Variants in ADCK5 observed in about 807,000 individuals in gnomAD.
The protein encoded by ADCK5 is aarF domain containing kinase 5.
A neutral mutation model predicts 64.9 loss-of-function variants in ADCK5; 43 were observed. That is an observed-to-expected ratio of 0.66 (90% CI 0.52 to 0.85). ADCK5 has a LOEUF of 0.85. Ranked by LOEUF, ADCK5 falls within the 40% of genes least tolerant of loss-of-function variation. The probability of loss-of-function intolerance (pLI) is 0.00; values close to 1 mark genes in which losing one functional copy is unlikely to be tolerated. For missense variants in ADCK5, 760 were observed against 810.5 expected (o/e 0.94, Z 0.76); for synonymous variants, 434 against 342.8 (o/e 1.27, Z -2.94).
rs1435774355 is a variant in ADCK5, at chr8:144,374,064, C to G, written c.-32C>G. ...TGGGCTGCGAGACGCTAAGCGGCGC[C>G]GGGCGGGAGAAGAGCGGAGCAGTGG... On this transcript the variant is annotated 5_prime_UTR_variant, in exon 1 of 15. Transcript: ENST00000308860. 1 of 1,246,100 alleles carries G rather than the reference C, an allele frequency of 8.0e-7. No homozygotes were observed. The highest frequency in any genetic ancestry group is 1.0e-6 in the Non-Finnish European group (1 of 988,410). 77.2% of individuals were successfully genotyped at this position (1,246,100 alleles called of 1,614,324 possible).
chr8:144,374,656 T>C (rs2130677216), intron 1 of ADCK5, among the ~76,000 whole-genome samples: 1 of 152,180 alleles, frequency 6.6e-6, no homozygotes, highest in East Asian at 1.9e-4. Context: ...CACGGACGCC[T>C]CCCTGCCCAG....
chr8:144,382,639 G>A (rs1380948913), intron 2 of ADCK5, among the ~76,000 whole-genome samples: 2 of 152,180 alleles, frequency 1.3e-5, no homozygotes, highest in East Asian at 1.9e-4. Context: ...ACTGTCATGC[G>A]ACTCAGCACG....
intron 3 of ADCK5, among the ~76,000 whole-genome samples, chr8:144,388,173 C>G (rs1464672928): frequency 6.6e-6 from 1 of 150,982 alleles, no homozygotes; most frequent in Admixed American, 6.6e-5. Context: ...GCCTGACCAA[C>G]GTGGAGAAAC....
Position 144,392,815 on chromosome 8 carries a change from TC to T in ADCK5, c.1561del (p.Arg521GlyfsTer34). The T allele has an allele frequency of 6.3e-7, 1 of 1,593,306 alleles. No individual in the cohort carries two copies. The highest frequency in any genetic ancestry group is 8.5e-7 in the Non-Finnish European group (1 of 1,174,612). ...GWSRLAGATY[R>X]GVYGTSLLRH... ...GGAGCCGCCTGGCGGGCGCCACGTA[TC>T]GGGGTGTCTACGGCACCAGCCTCCT... is the stretch of plus-strand genomic sequence containing the variant. On this transcript the variant is annotated frameshift_variant, in exon 14 of 15. Coordinates refer to ENST00000308860, the MANE Select transcript of ADCK5 (RefSeq NM_174922.5). LOFTEE classifies it high-confidence loss of function.
chr8:144,381,428 G>A (rs1332492181), intron 2 of ADCK5, among the ~76,000 whole-genome samples: 1 of 129,942 alleles, frequency 7.7e-6, no homozygotes, highest in Non-Finnish European at 1.6e-5. Flanking sequence ...TGGGCCAGGT[G>A]TAGAAACAGA....
chr8:144,385,913 A>C (rs1400519272), intron 3 of ADCK5, among the ~76,000 whole-genome samples: 1 of 151,292 alleles, frequency 6.6e-6, no homozygotes, highest in East Asian at 2.0e-4. Context: ...GCAGTGAGCC[A>C]AGATCACGCC....
rs781862475 is a variant in ADCK5 at position 144,391,172 on chromosome 8, C to A, written c.582C>A (p.Pro194=). 3.7e-6 allele frequency: 6 copies of A among 1,611,968 alleles called. No individual in the cohort carries two copies. The highest frequency in any genetic ancestry group is 1.1e-5 in the South Asian group (1 of 91,096). Residue 194 remains proline (P), a synonymous_variant, in exon 6 of 15, where the codon CCC becomes CCA. Transcript: ENST00000308860. The part of the protein sequence containing the change: ...ELFLEDFQAL[P]HELFQEFDYQ... ...TCCTTGAGGACTTCCAGGCCCTCCCCCACGAGCTCTTCCAGGAGTTTGACT... is the reference window on the plus strand; with the variant it reads ...TCCTTGAGGACTTCCAGGCCCTCCCACACGAGCTCTTCCAGGAGTTTGACT...
At position 144,388,318 on chromosome 8, in the gene ADCK5, C is replaced by T. The variant is rs193169982; in HGVS notation, c.267-2353C>T. The stretch of plus-strand genomic sequence containing the variant: ...GTTGCAGTGAGCCTAGACTGTGCCA[C>T]TGCACTCCAGTCTGGGCGACAGAGC... On this transcript the variant is annotated intron_variant, in intron 3 of 14. Coordinates refer to ENST00000308860, the MANE Select transcript of ADCK5 (RefSeq NM_174922.5). Among the ~76,000 whole-genome samples the T allele has an allele frequency of 9.7e-3, 1,428 of 147,184 alleles. 29 individuals are homozygous for T. The highest frequency in any genetic ancestry group is 0.034 in the African/African-American group (1,340 of 39,884).
At position 144,391,042 on chromosome 8, in the gene ADCK5, C is replaced by T. The variant is rs142025248; in HGVS notation, c.529C>T (p.Arg177Trp). ...CGTGCTAGAGGACAGGGCCCTCAAG[C>T]GGGGCTTCCAGGAGGTGAGTGTGCG... ...LRVLEDRALK[R>W]GFQEVDELFL... is the part of the protein sequence containing the mutation. The change falls in exon 5 of 15, where the codon CGG (arginine) becomes TGG (tryptophan). Residue 177 changes from arginine (R) to tryptophan (W), a missense_variant. This residue lies in a region of ADCK5 where 427 missense variants were observed against 518.4 expected (regional missense o/e 0.82). Transcript: ENST00000308860. 1,601 of 1,612,482 alleles carry T rather than the reference C, an allele frequency of 9.9e-4. 13 individuals are homozygous for T. The African/African-American group carries it at 0.02, about 20-fold the overall frequency.
intron 8 of ADCK5, 33 bp downstream of exon 8, chr8:144,391,744 G>A (rs1554860729): frequency 3.2e-6 from 5 of 1,538,526 alleles, no homozygotes; most frequent in African/African-American, 1.4e-5. Flanking sequence ...GGTGGGCACA[G>A]CGCTGGGCCT....
At chr8:144,381,326 A>T (rs1392137342) in intron 2 of ADCK5, among the ~76,000 whole-genome samples, 1 of 145,440 alleles carries the variant, frequency 6.9e-6, no homozygotes, top group African/African-American at 2.6e-5. Flanking sequence ...GGGTGTAGAA[A>T]CAGATGTGTG....
In ADCK5 at chr8:144,391,683, C is replaced by T. The variant is rs980714753; in HGVS notation, c.902C>T (p.Pro301Leu). 1 of 1,541,134 alleles carries T rather than the reference C, an allele frequency of 6.5e-7. No homozygotes were observed. Among genetic ancestry groups the T allele is most frequent in the Non-Finnish European group, 8.7e-7 (1 of 1,147,514 alleles). The change falls in exon 8 of 15, where the codon CCC (proline) becomes CTC (leucine). Residue 301 changes from proline to leucine, a missense_variant. Physicochemically the swap from Pro to Leu is moderately conservative, Grantham distance 98. Around this residue, in one of 2 missense-constraint regions of ADCK5, gnomAD observed 427 missense variants for 518.4 expected, o/e 0.82. Coordinates refer to ENST00000308860, the MANE Select transcript of ADCK5 (RefSeq NM_174922.5). ...GCGCACTTCCCCTACGTCGTGGTGC[C>T]CCGCGTGCACTGGGACAAGTCCAGC... ...ELAHFPYVVVPRVHWDKSSKR... is the reference protein window; with the variant it reads ...ELAHFPYVVVLRVHWDKSSKR...
At position 144,390,733 on chromosome 8, in the gene ADCK5, G is replaced by A. The variant is rs1395222560; in HGVS notation, c.329G>A (p.Arg110Gln). 9.9e-6 allele frequency: 16 copies of A among 1,613,738 alleles called. No homozygotes were observed. The highest frequency in any genetic ancestry group is 1.3e-5 in the African/African-American group (1 of 74,932). The change falls in exon 4 of 15, where the codon CGA (arginine) becomes CAA (glutamine). Residue 110 changes from arginine (R) to glutamine (Q), a missense_variant. By Grantham distance (43) the Arg-to-Gln change is conservative (BLOSUM62 1). Coordinates refer to ENST00000308860, the MANE Select transcript of ADCK5 (RefSeq NM_174922.5). Reference protein sequence around the residue: ...DYWWCTNVVLRGVEENSPGYL... With the variant: ...DYWWCTNVVLQGVEENSPGYL... ...TGGTGGTGCACCAATGTTGTCCTTC[G>A]AGGGGTGGAAGAGGTTTGTCCTGGT...
At chr8:144,382,322 C>T (rs1462899921) in intron 2 of ADCK5, among the ~76,000 whole-genome samples, 10 of 152,332 alleles carry the variant, frequency 6.6e-5, no homozygotes, top group Admixed American at 4.6e-4. Flanking sequence ...AGGCACCTCC[C>T]GCACTCAGCG....
intron 3 of ADCK5, 90 bp from the exon 4 acceptor site, chr8:144,390,581 G>A (rs1330122570): frequency 3.9e-5 from 53 of 1,355,400 alleles, no homozygotes; most frequent in Non-Finnish European, 5.3e-5. Flanking sequence ...TGGCCGGGGT[G>A]AGGCTAGACC....
At position 144,392,529 on chromosome 8, in the gene ADCK5, A is replaced by C; in HGVS notation, c.1352A>C (p.Glu451Ala). 6.4e-7 allele frequency: 1 copy of C among 1,555,980 alleles called. No individual in the cohort carries two copies. Among genetic ancestry groups the C allele is most frequent in the Non-Finnish European group, 8.6e-7 (1 of 1,156,914 alleles). Residue 451 changes from glutamate (E) to alanine (A), a missense_variant, in exon 13 of 15, where the codon GAG (glutamate) becomes GCG (alanine). Physicochemically the swap from Glu to Ala is moderately radical, Grantham distance 107. Coordinates refer to ENST00000308860, the MANE Select transcript of ADCK5 (RefSeq NM_174922.5). ...GGCTCGCACCTACTGAGCCGCGAAG[A>C]GGCGGCCTACATGGTGGACATGGCC... ...LWGSHLLSREEAAYMVDMARE... is the reference protein window; with the variant it reads ...LWGSHLLSREAAAYMVDMARE...
intron 3 of ADCK5, among the ~76,000 whole-genome samples, chr8:144,386,623 G>T (rs2130714641): frequency 6.6e-6 from 1 of 152,358 alleles, no homozygotes; most frequent in South Asian, 2.1e-4. Flanking sequence ...CTCCCAAAGT[G>T]CTGGGATTAC....
chr8:144,392,205 G>A lies in ADCK5; in HGVS notation c.1175+35G>A, dbSNP rs1554861048. The A allele has an allele frequency of 8.4e-6, 13 of 1,548,140 alleles. No homozygotes were observed. In the South Asian group the frequency reaches 1.2e-4, roughly 14 times the overall value. ...GGTGGGTGGGCGTGGGGCAGGGCAA[G>A]CCTCTCCTGCCGCAGGGAGCTCATG... On this transcript the variant is annotated intron_variant, in intron 11 of 14. Coordinates refer to ENST00000308860, the MANE Select transcript of ADCK5 (RefSeq NM_174922.5).
intron 3 of ADCK5, among the ~76,000 whole-genome samples, chr8:144,386,740 A>T (rs1554859349): frequency 6.6e-6 from 1 of 152,194 alleles, no homozygotes; most frequent in Non-Finnish European, 1.5e-5. Flanking sequence ...CCAGGAATTC[A>T]GTTTCCAGCC....
Sources: allele counts gnomAD v4.1 joint callset (sites outside exome capture counted in the v4.1 genomes callset), GRCh38; gene constraint gnomAD v4.1.1; regional missense constraint gnomAD v4.1.1; transcripts MANE v1.5; gene names NCBI Gene and HGNC (gene_info 2026-07-23, HGNC 2026-07-21).